Variants in MICALL2 observed in about 807,000 individuals in gnomAD.
The protein encoded by MICALL2 is MICAL-like protein 2.
Under a neutral mutation model 91.1 loss-of-function variants are expected in MICALL2, and 111 were observed. The ratio of observed to expected loss-of-function variants is 1.22; its 90% CI spans 1.04 to 1.43. MICALL2 has a LOEUF of 1.43. MICALL2 is among the 40% of genes most tolerant of loss of function. The pLI is 0.00. For missense variants in MICALL2, 1,556 were observed against 1,236.0 expected (o/e 1.26, Z -3.88); for synonymous variants, 694 against 525.3 (o/e 1.32, Z -4.39).
At chr7:1,434,985 G>GC (rs145154210) in intron 16 of MICALL2, 116 bp downstream of exon 16, 3,940 of 256,384 alleles carry the variant, frequency 0.015, 52 homozygotes, top group East Asian at 0.11. Flanking sequence ...CCCGATACCC[G>GC]CCCCCCCCCC....
At chr7:1,440,764 C>T (rs1413303528) in intron 7 of MICALL2, 80 bp from the exon 8 acceptor site, 6 of 1,208,992 alleles carry the variant, frequency 5.0e-6, no homozygotes, top group Non-Finnish European at 7.2e-6. Flanking sequence ...GTGCCTCCCC[C>T]TGCCATCTTC....
Position 1,437,848 on chromosome 7 carries a change from A to G in MICALL2, c.2402+42T>C, listed in dbSNP as rs916507943. The G allele has an allele frequency of 3.3e-6, 5 of 1,520,688 alleles. No homozygotes were observed. In the East Asian group the frequency reaches 1.2e-4, roughly 37 times the overall value. 94.2% of individuals were successfully genotyped at this position (1,520,688 alleles called of 1,614,324 possible). ...CGCCTGGCCTGCCCAGCCCGCAACG[A>G]GGTCCTGGCCTTCGAGGAGGGGCCC... On this transcript the variant is annotated intron_variant, in intron 13 of 16. Transcript: ENST00000297508.
At chr7:1,439,896 G>A (rs544291207) in intron 9 of MICALL2, 29 bp downstream of exon 9, 80 of 1,401,008 alleles carry the variant, frequency 5.7e-5, no homozygotes, top group African/African-American at 4.2e-4. Context: ...TAGGCAACCC[G>A]GGGGCCCCTG....
In MICALL2 at chr7:1,440,611, G is replaced by A. The variant is rs186774012; in HGVS notation, c.1785C>T (p.Asp595=). The change falls in exon 8 of 17, where the codon GAC becomes GAT. Residue 595 remains aspartate (D), a synonymous_variant. Transcript: ENST00000297508. The part of the protein sequence containing the change: ...AGWRANLKPV[D]RRSPAERTLK... Reference sequence around the variant, plus strand: ...CTAACCTCTCAGCTGGGCTTCTCCTGTCCACGGGCTTCAGATTCGCTCTCC... The same window carrying A: ...CTAACCTCTCAGCTGGGCTTCTCCTATCCACGGGCTTCAGATTCGCTCTCC... The A allele has an allele frequency of 5.6e-4, 900 of 1,612,748 alleles. 9 individuals are homozygous for A. In the East Asian group the frequency reaches 0.017, roughly 30 times the overall value.
chr7:1,434,872 T>C (rs1170290296), intron 16 of MICALL2, 200 bp from the exon 17 acceptor site: 2 of 715,686 alleles, frequency 2.8e-6, no homozygotes, highest in Non-Finnish European at 4.5e-6. Context: ...GTCCCCACCA[T>C]GACCACACGG....
chr7:1,434,579 C>T lies in MICALL2; in HGVS notation c.*17G>A. On this transcript the variant is annotated 3_prime_UTR_variant, in exon 17 of 17. Coordinates refer to ENST00000297508, the MANE Select transcript of MICALL2 (RefSeq NM_182924.4). ...CCGGATGCCAGGTCCGGGCCGAGCCCACGGCCCTACTGGCTACTACTGGGA... is the reference window on the plus strand; with the variant it reads ...CCGGATGCCAGGTCCGGGCCGAGCCTACGGCCCTACTGGCTACTACTGGGA... 2 of 1,605,888 alleles carry T rather than the reference C, an allele frequency of 1.2e-6. No homozygotes were observed. Among genetic ancestry groups the T allele is most frequent in the Non-Finnish European group, 8.5e-7 (1 of 1,172,932 alleles).
intron 16 of MICALL2, 82 bp downstream of exon 16, chr7:1,435,019 A>AC: frequency 3.0e-6 from 1 of 333,074 alleles, no homozygotes; most frequent in Non-Finnish European, 4.7e-6. Context: ...GGCCCGGTCC[A>AC]CCCAGCCAGC....
At position 1,451,897 on chromosome 7, in the gene MICALL2, T is replaced by A. The variant is rs918294125; in HGVS notation, c.144-1609A>T. Among the ~76,000 whole-genome samples the A allele has an allele frequency of 2.0e-5, 3 of 152,118 alleles. No homozygotes were observed. Among genetic ancestry groups the A allele is most frequent in the Non-Finnish European group, 4.4e-5 (3 of 68,012 alleles). On this transcript the variant is annotated intron_variant, in intron 1 of 16. Transcript: ENST00000297508. The surrounding 1 kb of genome is among the most constrained non-coding windows in gnomAD (Gnocchi z 4.5). ...TGCCAGGCCCTGACCCCCATAAGAA[T>A]GCTCCGAGGCCCGGACAGTGAGCCC...
intron 9 of MICALL2, 94 bp from the exon 10 acceptor site, chr7:1,439,089 C>G: frequency 1.0e-6 from 1 of 1,002,504 alleles, no homozygotes; most frequent in African/African-American, 1.6e-5. Flanking sequence ...CGCTGGGTAG[C>G]CCGGCCATCC....
chr7:1,448,521 G>T, intron 3 of MICALL2, 99 bp downstream of exon 3: 2 of 1,131,382 alleles, frequency 1.8e-6, no homozygotes, highest in Non-Finnish European at 2.6e-6. Flanking sequence ...CTTGGGGGGG[G>T]GGCTGGGCAT....
At chr7:1,457,662 C>G (rs755636140) in intron 1 of MICALL2, among the ~76,000 whole-genome samples, 1 of 152,220 alleles carries the variant, frequency 6.6e-6, no homozygotes, top group Non-Finnish European at 1.5e-5. Flanking sequence ...CCCACAGGCA[C>G]GTCTGAGCCG....
rs1430478730 is a variant in MICALL2 at position 1,452,977 on chromosome 7, T to A, written c.144-2689A>T. Among the ~76,000 whole-genome samples the A allele has an allele frequency of 6.6e-6, 1 of 151,584 alleles. No individual in the cohort carries two copies. The highest frequency in any genetic ancestry group is 1.5e-5 in the Non-Finnish European group (1 of 67,900). ...ACAGCTTTTCCCACACTCCGCCCGA[T>A]GCACCCGCCAGGCCCTCCCCAGATG... is the stretch of plus-strand genomic sequence containing the variant. On this transcript the variant is annotated intron_variant, in intron 1 of 16. Coordinates refer to ENST00000297508, the MANE Select transcript of MICALL2 (RefSeq NM_182924.4). This position sits in a 1 kb window ranked among gnomAD's most constrained non-coding sequence, Gnocchi z 6.2.
Position 1,448,771 on chromosome 7 carries a change from G to T in MICALL2, c.193-10C>A. 1.2e-6 allele frequency: 2 copies of T among 1,612,120 alleles called. No homozygotes were observed. Among genetic ancestry groups the T allele is most frequent in the Non-Finnish European group, 1.7e-6 (2 of 1,179,612 alleles). ...CGGCCACGCGGAAGGCCTGCGAAAGGTGGGAGGGGGTCAGCGGGGCAGCTG... is the reference window on the plus strand; with the variant it reads ...CGGCCACGCGGAAGGCCTGCGAAAGTTGGGAGGGGGTCAGCGGGGCAGCTG... On this transcript the variant is annotated splice_polypyrimidine_tract_variant and intron_variant, in intron 2 of 16. Coordinates refer to ENST00000297508, the MANE Select transcript of MICALL2 (RefSeq NM_182924.4).
chr7:1,449,305 T>A (rs1408229387), intron 2 of MICALL2, among the ~76,000 whole-genome samples: 2 of 152,118 alleles, frequency 1.3e-5, no homozygotes, highest in Non-Finnish European at 2.9e-5. Context: ...ACTTGTTTAT[T>A]TATTTATTTT....
chr7:1,450,323 A>G (rs1780778991), intron 1 of MICALL2, 35 bp from the exon 2 acceptor site: 2 of 1,588,640 alleles, frequency 1.3e-6, no homozygotes, highest in African/African-American at 1.3e-5. Context: ...AAAGCAGCTC[A>G]GAGTCCACGA....
intron 10 of MICALL2, 75 bp downstream of exon 10, chr7:1,438,765 C>A: frequency 6.5e-7 from 1 of 1,527,460 alleles, no homozygotes; most frequent in Middle Eastern, 1.8e-4. Flanking sequence ...TCCAAAGCCC[C>A]AGCAGGCATT....
intron 4 of MICALL2, among the ~76,000 whole-genome samples, chr7:1,447,065 G>A (rs1420613482): frequency 5.9e-5 from 9 of 152,138 alleles, no homozygotes; most frequent in Admixed American, 5.9e-4. Context: ...TCGGTGGCTG[G>A]GGGCCAGGGG....
At chr7:1,453,462 C>G (rs984844800) in intron 1 of MICALL2, among the ~76,000 whole-genome samples, 2 of 152,190 alleles carry the variant, frequency 1.3e-5, no homozygotes, top group Non-Finnish European at 2.9e-5. Flanking sequence ...GCTCACACCT[C>G]CGTCCGGGAC....
chr7:1,443,826 G>A (rs1385630237), intron 6 of MICALL2, among the ~76,000 whole-genome samples: 1 of 152,224 alleles, frequency 6.6e-6, no homozygotes, highest in Admixed American at 6.5e-5. Context: ...CTGTGAGGGG[G>A]TGGATTTCTA....
Sources: allele counts gnomAD v4.1 joint callset (sites outside exome capture counted in the v4.1 genomes callset), GRCh38; gene constraint gnomAD v4.1.1; non-coding constraint Gnocchi (gnomAD v3.1); transcripts MANE v1.5; gene names NCBI Gene and HGNC (gene_info 2026-07-23, HGNC 2026-07-21).